The following ABI2 variants were observed in gnomAD, a reference collection of about 807,000 sequenced individuals.
ABI2 encodes abl interactor 2.
ABI2 carries 25 observed loss-of-function variants against 59.2 expected under a neutral mutation model. That is an observed-to-expected ratio of 0.42 (90% confidence interval 0.31 to 0.59). The LOEUF is 0.59. Among genes scored for constraint, ABI2 ranks in the 20% least tolerant of loss-of-function variants. The pLI, the probability that ABI2 is intolerant of heterozygous loss-of-function variation, is 0.14. For missense variants in ABI2, 545 were observed against 681.8 expected, an observed-to-expected ratio of 0.80 and a Z score of 2.23; for synonymous variants, 213 against 235.5, an observed-to-expected ratio of 0.90 and a Z score of 0.87.
intron 1 of ABI2, among the ~76,000 whole-genome samples, chr2:203,345,891 T>A (rs2083144325): frequency 6.6e-6 from 1 of 151,648 alleles, no homozygotes. Flanking sequence ...GACAAAAATT[T>A]GCTTCTGGCC....
chr2:203,401,305 A>C (rs1220472296), intron 8 of ABI2, among the ~76,000 whole-genome samples: 7 of 141,894 alleles, frequency 4.9e-5, no homozygotes, highest in African/African-American at 5.3e-5. Flanking sequence ...CTCCTCCTCT[A>C]CCTTCCTGTC....
chr2:203,331,285 G>GCC (rs1482743576), intron 1 of ABI2, among the ~76,000 whole-genome samples: 7 of 148,172 alleles, frequency 4.7e-5, no homozygotes, highest in African/African-American at 1.7e-4. Flanking sequence ...TTTTGATGCT[G>GCC]CCTGGACCCT....
rs185548764 is a variant in ABI2, at chr2:203,393,422, C to G, written c.579-1278C>G. On this transcript the variant is annotated intron_variant, in intron 5 of 11. Transcript: ENST00000261018. ...TTAGATGTTGGAGAAATTAATGTTT[C>G]CCATTTTATTGTTTAATATTTGCAT... Among the ~76,000 whole-genome samples the G allele has an allele frequency of 7.2e-4, 109 of 152,308 alleles. No homozygotes were observed. The Middle Eastern group carries it at 0.027, about 38-fold the overall frequency.
chr2:203,391,201 C>A, intron 5 of ABI2, 58 bp downstream of exon 5: 1 of 1,163,996 alleles, frequency 8.6e-7, no homozygotes, highest in Non-Finnish European at 1.2e-6. Flanking sequence ...AAAAATGAAG[C>A]ACAACATATT....
At chr2:203,356,419 A>G (rs1030436023) in intron 1 of ABI2, among the ~76,000 whole-genome samples, 4 of 151,966 alleles carry the variant, frequency 2.6e-5, no homozygotes, top group African/African-American at 4.8e-5. Context: ...CCCAGGCTGG[A>G]GTGCATTGGC....
intron 2 of ABI2, among the ~76,000 whole-genome samples, chr2:203,379,183 G>A (rs1448943098): frequency 2.0e-5 from 3 of 152,164 alleles, no homozygotes; most frequent in Non-Finnish European, 4.4e-5. Context: ...ATATTTTACA[G>A]GCATTTTGTC....
chr2:203,366,272 A>G (rs1252616567), intron 1 of ABI2, among the ~76,000 whole-genome samples: 1 of 152,178 alleles, frequency 6.6e-6, no homozygotes, highest in African/African-American at 2.4e-5. Context: ...AGCTTGGGCA[A>G]CATGGCAATT....
chr2:203,367,619 G>A (rs2094580772), intron 2 of ABI2, among the ~76,000 whole-genome samples: 1 of 152,034 alleles, frequency 6.6e-6, no homozygotes, highest in Non-Finnish European at 1.5e-5. Context: ...AAGAGAAAAA[G>A]TAGAAAAATA....
chr2:203,425,838 A>G (rs886272613), intron 11 of ABI2, among the ~76,000 whole-genome samples: 1 of 152,024 alleles, frequency 6.6e-6, no homozygotes, highest in Non-Finnish European at 1.5e-5. Context: ...CTTGGCCAAC[A>G]TGGCAAAACC....
rs71007512 is a variant in ABI2 at position 203,386,430 on chromosome 2, G to GTTTTTTTTTT, written c.480+4241_480+4250dup. The GTTTTTTTTTT allele has an allele frequency of 8.0e-4, 51 of 63,890 alleles. 5 individuals carry two copies. Among genetic ancestry groups the GTTTTTTTTTT allele is most frequent in the African/African-American group, 4.2e-3 (49 of 11,586 alleles). 4.0% of individuals were successfully genotyped at this position (63,890 alleles called of 1,614,324 possible). On this transcript the variant is annotated intron_variant, in intron 4 of 11. Coordinates refer to ENST00000261018, the MANE Select transcript of ABI2 (RefSeq NM_001375670.1). ...AGCGGGACTACAGCCACTCCTGGCT[G>GTTTTTTTTTT]TTTTTTTTTTTTTTTTTTTTTTTTT...
intron 1 of ABI2, among the ~76,000 whole-genome samples, chr2:203,331,374 A>G (rs1333771821): frequency 3.7e-4 from 1 of 2,700 alleles, no homozygotes; most frequent in Admixed American, 6.9e-3. Flanking sequence ...TTTTTCTGAG[A>G]CAGAGTCTCA....
intron 1 of ABI2, among the ~76,000 whole-genome samples, chr2:203,343,489 A>G (rs1194838287): frequency 6.6e-6 from 1 of 152,146 alleles, no homozygotes; most frequent in South Asian, 2.1e-4. Context: ...TTAAAGATAG[A>G]ATTTCTAGGA....
chr2:203,387,885 C>T (rs1051936733), intron 4 of ABI2, among the ~76,000 whole-genome samples: 16 of 152,172 alleles, frequency 1.1e-4, no homozygotes, highest in African/African-American at 3.9e-4. Context: ...TCCATCAGCA[C>T]ATAGAGATCT....
intron 1 of ABI2, among the ~76,000 whole-genome samples, chr2:203,343,795 C>T (rs1379684957): frequency 1.3e-5 from 2 of 152,196 alleles, no homozygotes; most frequent in African/African-American, 4.8e-5. Context: ...GGTCCCCTTT[C>T]TCCCTTTCCA....
At position 203,431,920 on chromosome 2, in the gene ABI2, A is replaced by G. The variant is rs561335606; in HGVS notation, c.*4568A>G. On this transcript the variant is annotated 3_prime_UTR_variant, in exon 12 of 12. Transcript: ENST00000261018. ...TTTTTCTTAAAATGGCTTACAAAAA[A>G]GAATGTAAACAATTTGTGATCTGGC... The G allele has an allele frequency of 6.6e-6, 1 of 152,298 alleles. No homozygotes were observed. Among genetic ancestry groups the G allele is most frequent in the South Asian group, 2.1e-4 (1 of 4,824 alleles). The allele number at this position is 152,298 out of a possible 1,614,324, so 9.4% of individuals were successfully genotyped here. A position where few individuals can be genotyped will look rare whatever the true frequency, so the allele number is the denominator to read the frequency against.
chr2:203,428,515 A>G lies in ABI2; in HGVS notation c.*1163A>G, dbSNP rs1320525126. On this transcript the variant is annotated 3_prime_UTR_variant, in exon 12 of 12. Coordinates refer to ENST00000261018, the MANE Select transcript of ABI2 (RefSeq NM_001375670.1). ...TAAGTAGCTGCTGTTAGTCAGAATT[A>G]AAACCCATCTCAGACTAAGAATATA... The G allele has an allele frequency of 1.3e-5, 2 of 152,644 alleles. No individual in the cohort carries two copies. Among genetic ancestry groups the G allele is most frequent in the African/African-American group, 2.4e-5 (1 of 41,454 alleles). 9.5% of individuals were successfully genotyped at this position (152,644 alleles called of 1,614,324 possible).
intron 2 of ABI2, among the ~76,000 whole-genome samples, chr2:203,378,292 T>C (rs2095850193): frequency 6.6e-6 from 1 of 152,088 alleles, no homozygotes; most frequent in South Asian, 2.1e-4. Context: ...TTTGTATTTT[T>C]AGTAGAGACG....
intron 8 of ABI2, among the ~76,000 whole-genome samples, chr2:203,402,318 A>T (rs1399249464): frequency 1.3e-5 from 2 of 152,220 alleles, no homozygotes; most frequent in Admixed American, 6.5e-5. Flanking sequence ...TACAGGCATG[A>T]GTCACTGCAC....
At chr2:203,371,856 A>G (rs902496829) in intron 2 of ABI2, among the ~76,000 whole-genome samples, 21 of 152,174 alleles carry the variant, frequency 1.4e-4, no homozygotes, top group South Asian at 2.1e-4. Context: ...AAAGTTTGCA[A>G]AACACTTTTC....
Sources: gnomAD v4.1 joint callset for allele counts (sites outside exome capture counted in the v4.1 genomes callset) on GRCh38, gnomAD v4.1.1 for gene constraint, MANE v1.5 for transcripts, NCBI Gene and HGNC (gene_info 2026-07-23, HGNC 2026-07-21) for gene names.